SV2B: variants seen among roughly 807,000 people sequenced by gnomAD.
SV2B encodes the protein synaptic vesicle glycoprotein 2B.
Under a neutral mutation model 73.9 loss-of-function variants are expected in SV2B, and 41 were observed. The ratio of observed to expected loss-of-function variants is 0.56; its 90% CI spans 0.43 to 0.72. SV2B has a LOEUF of 0.72. Ranked by LOEUF, SV2B falls within the 30% of genes least tolerant of loss-of-function variation. The pLI, the probability that SV2B is intolerant of heterozygous loss-of-function variation, is 0.00. For synonymous variants in SV2B, 314 were observed against 314.2 expected, an observed-to-expected ratio of 1.00 and a Z score of 0.01; for missense variants, 764 against 857.8, an observed-to-expected ratio of 0.89 and a Z score of 1.37.
At chr15:91,172,623 C>T (rs1307277815) in intron 1 of SV2B, among the ~76,000 whole-genome samples, 1 of 152,198 alleles carries the variant, frequency 6.6e-6, no homozygotes, top group Non-Finnish European at 1.5e-5. Flanking sequence ...CTCCCGTCCT[C>T]CCCCAACACA....
intron 9 of SV2B, among the ~76,000 whole-genome samples, chr15:91,277,649 T>C (rs2048537542): frequency 6.6e-6 from 1 of 152,258 alleles, no homozygotes; most frequent in Non-Finnish European, 1.5e-5. Context: ...ATTTTTATTG[T>C]GGAGTAGTAT....
chr15:91,238,178 CT>C (rs918778002), intron 2 of SV2B, among the ~76,000 whole-genome samples: 12 of 152,268 alleles, frequency 7.9e-5, no homozygotes, highest in Non-Finnish European at 1.2e-4. Flanking sequence ...TAACCTGTTC[CT>C]TTTTTTCTAA....
chr15:91,125,642 G>C (rs1305351817), intron 1 of SV2B, among the ~76,000 whole-genome samples: 2 of 151,808 alleles, frequency 1.3e-5, no homozygotes, highest in Admixed American at 1.3e-4. Context: ...AGTCATGGTG[G>C]TGCACGCCTG....
At chr15:91,168,931 A>G (rs192061479) in intron 1 of SV2B, among the ~76,000 whole-genome samples, 67 of 152,366 alleles carry the variant, frequency 4.4e-4, no homozygotes, top group African/African-American at 1.5e-3. Context: ...AGTGAAACAC[A>G]TCATCAGACT....
rs756470202 is a variant in SV2B, at chr15:91,226,068, G to A, written c.-196G>A. The stretch of plus-strand genomic sequence containing the variant: ...ACATCGAGTGCAAAAGGATATTTAG[G>A]TTGTCTTTGCACAAATCTGGTTGAT... On this transcript the variant is annotated 5_prime_UTR_variant, in exon 2 of 13. Coordinates refer to ENST00000394232, the MANE Select transcript of SV2B (RefSeq NM_001323032.3). 10 of 600,714 alleles carry A rather than the reference G, an allele frequency of 1.7e-5. No homozygotes were observed. The highest frequency in any genetic ancestry group is 2.3e-5 in the Non-Finnish European group (8 of 348,338). 37.2% of individuals were successfully genotyped at this position (600,714 alleles called of 1,614,324 possible). A position where few individuals can be genotyped will look rare whatever the true frequency, so the allele number is the denominator to read the frequency against.
intron 1 of SV2B, among the ~76,000 whole-genome samples, chr15:91,168,725 C>T (rs1407462310): frequency 6.6e-6 from 1 of 152,142 alleles, no homozygotes; most frequent in Non-Finnish European, 1.5e-5. Context: ...TAATTTTCCA[C>T]CCCAGCATGC....
intron 2 of SV2B, among the ~76,000 whole-genome samples, chr15:91,233,664 T>G (rs1232928081): frequency 2.0e-5 from 3 of 148,312 alleles, no homozygotes; most frequent in Non-Finnish European, 3.0e-5. Flanking sequence ...CTGATGAGTC[T>G]TCTTTGCCAT....
At chr15:91,165,044 A>C (rs762817776) in intron 1 of SV2B, among the ~76,000 whole-genome samples, 96 of 152,144 alleles carry the variant, frequency 6.3e-4, no homozygotes, top group Admixed American at 1.0e-3. Context: ...TGGATCAAAA[A>C]ATTTTTTTTA....
rs758692581 is a variant in SV2B, at chr15:91,293,172, G to A, written c.*620G>A. ...CTCCTAGGCTTTCCATGATAATTAGGTAATACATTTAAGAAGGATATTTAT... is the reference window on the plus strand; with the variant it reads ...CTCCTAGGCTTTCCATGATAATTAGATAATACATTTAAGAAGGATATTTAT... On this transcript the variant is annotated 3_prime_UTR_variant, in exon 13 of 13. Coordinates refer to ENST00000394232, the MANE Select transcript of SV2B (RefSeq NM_001323032.3). 1.3e-5 allele frequency: 2 copies of A among 152,146 alleles called. No individual in the cohort carries two copies. Among genetic ancestry groups the A allele is most frequent in the Non-Finnish European group, 2.9e-5 (2 of 68,038 alleles). The allele number at this position is 152,146 out of a possible 1,614,324, so 9.4% of individuals were successfully genotyped here. A position where few individuals can be genotyped will look rare whatever the true frequency, so the allele number is the denominator to read the frequency against.
chr15:91,112,959 A>C (rs1234594271), intron 1 of SV2B, among the ~76,000 whole-genome samples: 1 of 152,086 alleles, frequency 6.6e-6, no homozygotes, highest in Non-Finnish European at 1.5e-5. Flanking sequence ...TGGGATGAAA[A>C]GGCAAACACC....
chr15:91,209,114 G>GTTTTTTTTTTTT lies in SV2B; in HGVS notation c.-391-16745_-391-16734dup, dbSNP rs903531189. On this transcript the variant is annotated intron_variant, in intron 1 of 12. Coordinates refer to ENST00000394232, the MANE Select transcript of SV2B (RefSeq NM_001323032.3). ...AGTGACTGTGGCAGTACTGTTTTTTGTTTTTTTTTTTTTTTTTTTTTTTTT... is the reference window on the plus strand; with the variant it reads ...AGTGACTGTGGCAGTACTGTTTTTTGTTTTTTTTTTTTTTTTTTTTTTTTTTTTTTTTTTTTT... Among the ~76,000 whole-genome samples the GTTTTTTTTTTTT allele has an allele frequency of 2.1e-3, 187 of 89,968 alleles. 3 individuals are homozygous for GTTTTTTTTTTTT. Among genetic ancestry groups the GTTTTTTTTTTTT allele is most frequent in the Non-Finnish European group, 2.8e-3 (139 of 49,112 alleles). 59.0% of individuals were successfully genotyped at this position (89,968 alleles called of 152,430 possible). A position where few individuals can be genotyped will look rare whatever the true frequency, so the allele number is the denominator to read the frequency against.
Position 91,301,959 on chromosome 15 carries a change from G to C in SV2B, c.*9407G>C, listed in dbSNP as rs2049457182. ...CCAAGTTCTGAATGCTCATCACCTG[G>C]CATATAGTATGGTATAATCACCCCA... is the stretch of plus-strand genomic sequence containing the variant. On this transcript the variant is annotated 3_prime_UTR_variant, in exon 13 of 13. Coordinates refer to ENST00000394232, the MANE Select transcript of SV2B (RefSeq NM_001323032.3). This position sits in a 1 kb window ranked among gnomAD's most constrained non-coding sequence, Gnocchi z 4.3. Among the ~76,000 whole-genome samples the C allele has an allele frequency of 6.6e-6, 1 of 152,172 alleles. No homozygotes were observed. Among genetic ancestry groups the C allele is most frequent in the African/African-American group, 2.4e-5 (1 of 41,440 alleles).
At chr15:91,274,362 C>G (rs1487173501) in intron 9 of SV2B, among the ~76,000 whole-genome samples, 1 of 152,106 alleles carries the variant, frequency 6.6e-6, no homozygotes, top group African/African-American at 2.4e-5. Flanking sequence ...TCTTTCTTTT[C>G]CTTAAAGGAA....
chr15:91,199,051 A>G (rs1663208971), intron 1 of SV2B, among the ~76,000 whole-genome samples: 1 of 152,130 alleles, frequency 6.6e-6, no homozygotes, highest in African/African-American at 2.4e-5. Context: ...GGGTATCCTT[A>G]TGTTGCCCAG....
At position 91,280,598 on chromosome 15, in the gene SV2B, G is replaced by A. The variant is rs78759129; in HGVS notation, c.1374-1130G>A. On this transcript the variant is annotated intron_variant, in intron 9 of 12. Coordinates refer to ENST00000394232, the MANE Select transcript of SV2B (RefSeq NM_001323032.3). This position sits in a 1 kb window ranked among gnomAD's most constrained non-coding sequence, Gnocchi z 5.8. The stretch of plus-strand genomic sequence containing the variant: ...AGCTTGTTAAATATAGCCAACAGAG[G>A]AAGATGGTAATGTATGTGAGATACA... Among the ~76,000 whole-genome samples, 2,796 of 152,344 alleles carry A rather than the reference G, an allele frequency of 0.018. 42 individuals are homozygous for A. Among genetic ancestry groups the A allele is most frequent in the Middle Eastern group, 0.034 (10 of 294 alleles).
intron 9 of SV2B, among the ~76,000 whole-genome samples, chr15:91,278,977 C>T (rs1479897016): frequency 2.0e-5 from 3 of 152,088 alleles, no homozygotes; most frequent in East Asian, 1.9e-4. Flanking sequence ...ATGTAATTTA[C>T]GTGAAAGAGA....
In SV2B at chr15:91,302,183, A is replaced by C. The variant is rs566739413; in HGVS notation, c.*9631A>C. On this transcript the variant is annotated 3_prime_UTR_variant, in exon 13 of 13. Transcript: ENST00000394232. ...CGTAGTAGGTCTCAATAGATGATGAATAGACCGATGAATGAGCACATGAGT... is the reference window on the plus strand; with the variant it reads ...CGTAGTAGGTCTCAATAGATGATGACTAGACCGATGAATGAGCACATGAGT... 7.4e-4 allele frequency among the ~76,000 whole-genome samples: 113 copies of C among 152,364 alleles called. No individual in the cohort carries two copies. The highest frequency in any genetic ancestry group is 2.7e-3 in the African/African-American group (111 of 41,588).
At chr15:91,273,498 C>T (rs2048383532) in intron 9 of SV2B, among the ~76,000 whole-genome samples, 1 of 152,176 alleles carries the variant, frequency 6.6e-6, no homozygotes, top group South Asian at 2.1e-4. Flanking sequence ...TCCTTTTCCC[C>T]TGTCAAACAT....
intron 1 of SV2B, among the ~76,000 whole-genome samples, chr15:91,200,852 A>C (rs1202777915): frequency 6.6e-6 from 1 of 152,214 alleles, no homozygotes; most frequent in East Asian, 1.9e-4. Context: ...TCAAGACTGC[A>C]GTGAGCCATG....
Sources: allele counts gnomAD v4.1 joint callset (sites outside exome capture counted in the v4.1 genomes callset), GRCh38; gene constraint gnomAD v4.1.1; non-coding constraint Gnocchi (gnomAD v3.1); transcripts MANE v1.5; gene names NCBI Gene and HGNC (gene_info 2026-07-23, HGNC 2026-07-21).